EPB41: variants seen among roughly 807,000 people sequenced by gnomAD.
EPB41 encodes erythrocyte membrane protein band 4.1.
EPB41 carries 65 observed loss-of-function variants against 108.0 expected under a neutral mutation model. The observed-to-expected ratio is 0.60, with a 90% confidence interval of 0.49 to 0.74. The LOEUF is 0.74. Among genes scored for constraint, EPB41 ranks in the 30% least tolerant of loss-of-function variants. The pLI is 0.00. For synonymous variants in EPB41, 336 were observed against 358.9 expected (o/e 0.94, Z 0.72); for missense variants, 875 against 1,037.0 (o/e 0.84, Z 2.15).
chr1:28,946,563 A>G (rs1340317110), intron 1 of EPB41, among the ~76,000 whole-genome samples: 1 of 152,214 alleles, frequency 6.6e-6, no homozygotes, highest in Non-Finnish European at 1.5e-5. Flanking sequence ...ATTTTGGTCT[A>G]CTGATTTCCA....
At chr1:28,915,266 A>G (rs1317435029) in intron 1 of EPB41, among the ~76,000 whole-genome samples, 21 of 152,148 alleles carry the variant, frequency 1.4e-4, no homozygotes, top group Admixed American at 1.4e-3. Context: ...CCTTCCCGCC[A>G]CCGACGCCTG....
chr1:28,922,089 C>G (rs1570623035), intron 1 of EPB41, among the ~76,000 whole-genome samples: 2 of 150,430 alleles, frequency 1.3e-5, no homozygotes, highest in South Asian at 2.1e-4. Context: ...CCTGCCTCAG[C>G]CTCCCAAGTA....
At chr1:29,031,541 A>C (rs1227362093) in intron 8 of EPB41, among the ~76,000 whole-genome samples, 1 of 152,116 alleles carries the variant, frequency 6.6e-6, no homozygotes, top group Non-Finnish European at 1.5e-5. Flanking sequence ...TCACCTAGGA[A>C]CTTGTTAGAA....
At chr1:28,998,713 G>C (rs1364621652) in intron 4 of EPB41, among the ~76,000 whole-genome samples, 1 of 152,020 alleles carries the variant, frequency 6.6e-6, no homozygotes, top group African/African-American at 2.4e-5. Flanking sequence ...CCTTTACTTT[G>C]TCTCCCTTAG....
chr1:28,957,123 A>G (rs1557811114), intron 1 of EPB41, among the ~76,000 whole-genome samples: 1 of 152,264 alleles, frequency 6.6e-6, no homozygotes, highest in Non-Finnish European at 1.5e-5. Flanking sequence ...TTAAGTTGGC[A>G]TAGGCCATGT....
intron 16 of EPB41, among the ~76,000 whole-genome samples, chr1:29,066,726 T>A (rs1035648014): frequency 2.0e-5 from 3 of 152,098 alleles, no homozygotes; most frequent in Non-Finnish European, 4.4e-5. Context: ...AAGGCTGGAA[T>A]GCAATGGCAC....
intron 1 of EPB41, among the ~76,000 whole-genome samples, chr1:28,964,393 G>A (rs1042968873): frequency 4.6e-5 from 7 of 152,018 alleles, no homozygotes; most frequent in Admixed American, 2.6e-4. Context: ...AGTGAGCTGA[G>A]ATCATGCCAC....
rs1314324592 is a variant in EPB41, at chr1:28,902,222, G to C, written c.-8+15012G>C. On this transcript the variant is annotated intron_variant, in intron 1 of 16. Coordinates refer to the EPB41 transcript ENST00000347529. ...CATTTGTCAGATCATACTTTAGCTG[G>C]GTCAACCCTGAGGCTCTTTTGCTTC... 3 of 985,180 alleles carry C rather than the reference G, an allele frequency of 3.0e-6. No individual in the cohort carries two copies. The African/African-American group carries it at 5.2e-5, about 17-fold the overall frequency. 61.0% of individuals were successfully genotyped at this position (985,180 alleles called of 1,614,324 possible). A position where few individuals can be genotyped will look rare whatever the true frequency, so the allele number is the denominator to read the frequency against.
chr1:28,959,001 A>G (rs181927569), intron 1 of EPB41, among the ~76,000 whole-genome samples: 2 of 152,172 alleles, frequency 1.3e-5, no homozygotes, highest in East Asian at 3.9e-4. Flanking sequence ...AAGGAGGGTT[A>G]GAATTTCAGC....
chr1:28,887,358 G>A lies in EPB41; in HGVS notation c.-8+148G>A, dbSNP rs146479433. On this transcript the variant is annotated intron_variant, in intron 1 of 16. Transcript: ENST00000347529. This position sits in a 1 kb window ranked among gnomAD's most constrained non-coding sequence, Gnocchi z 4.9. ...CAGGGCTGAGGGGTCCAGCGGTCCC[G>A]AATTCCAGAATCCGAACTTGGGGTC... 222 of 1,147,624 alleles carry A rather than the reference G, an allele frequency of 1.9e-4. No homozygotes were observed. Among genetic ancestry groups the A allele is most frequent in the Non-Finnish European group, 2.3e-4 (209 of 921,010 alleles). The allele number at this position is 1,147,624 out of a possible 1,614,324, so 71.1% of individuals were successfully genotyped here. A position where few individuals can be genotyped will look rare whatever the true frequency, so the allele number is the denominator to read the frequency against.
At chr1:28,968,680 G>A (rs779453035) in intron 1 of EPB41, among the ~76,000 whole-genome samples, 4 of 151,868 alleles carry the variant, frequency 2.6e-5, no homozygotes, top group Admixed American at 6.6e-5. Context: ...AAAACTAAAT[G>A]AGGCCGGGCG....
chr1:29,034,717 A>G (rs1638717637), intron 9 of EPB41, among the ~76,000 whole-genome samples: 1 of 152,198 alleles, frequency 6.6e-6, no homozygotes, highest in Non-Finnish European at 1.5e-5. Flanking sequence ...ATCTAGATAA[A>G]TTAATGATCA....
chr1:28,897,088 G>T (rs2090748443), intron 1 of EPB41, among the ~76,000 whole-genome samples: 1 of 152,314 alleles, frequency 6.6e-6, no homozygotes, highest in East Asian at 1.9e-4. Flanking sequence ...GGCAAGGCCT[G>T]TGGCCACCAG....
At chr1:29,078,027 G>A (rs529991450) in intron 16 of EPB41, among the ~76,000 whole-genome samples, 1 of 152,178 alleles carries the variant, frequency 6.6e-6, no homozygotes, top group South Asian at 2.1e-4. Context: ...AGGAGTTTGA[G>A]ACCAGTTTAG....
rs765083013 is a variant in EPB41, at chr1:28,887,213, G to A, written c.-8+3G>A. ...GGTCCCCGCCGCACCCAGCCCAGGT[G>A]AGCCTGGACCACCTGGGGGGCGACC... On this transcript the variant is annotated splice_donor_region_variant and intron_variant, in intron 1 of 16. Coordinates refer to the EPB41 transcript ENST00000347529. This position sits in a 1 kb window ranked among gnomAD's most constrained non-coding sequence, Gnocchi z 4.9. The A allele has an allele frequency of 2.4e-5, 31 of 1,282,222 alleles. No individual in the cohort carries two copies. In the East Asian group the frequency reaches 1.2e-3, roughly 51 times the overall value. The allele number at this position is 1,282,222 out of a possible 1,614,324, so 79.4% of individuals were successfully genotyped here.
intron 1 of EPB41, among the ~76,000 whole-genome samples, chr1:28,971,489 T>C (rs2095496129): frequency 6.6e-6 from 1 of 152,112 alleles, no homozygotes; most frequent in African/African-American, 2.4e-5. Flanking sequence ...CCGGTTGCAT[T>C]TACTCTTTAA....
intron 4 of EPB41, among the ~76,000 whole-genome samples, chr1:29,006,994 A>C (rs2096415597): frequency 6.6e-6 from 1 of 151,894 alleles, no homozygotes; most frequent in Non-Finnish European, 1.5e-5. Context: ...AAAATCATAC[A>C]GTGTCTTCTC....
intron 16 of EPB41, among the ~76,000 whole-genome samples, chr1:29,066,428 G>GA (rs895196160): frequency 5.3e-5 from 8 of 150,914 alleles, no homozygotes; most frequent in Admixed American, 1.3e-4. Context: ...CAAAAAAAAA[G>GA]AAAAAAAAGA....
intron 5 of EPB41, among the ~76,000 whole-genome samples, chr1:29,013,381 AC>A (rs1253753526): frequency 3.3e-5 from 5 of 152,174 alleles, no homozygotes; most frequent in African/African-American, 1.2e-4. Context: ...GGGGAAAAAA[AC>A]AAAACAAAAC....
Sources: allele counts gnomAD v4.1 joint callset (sites outside exome capture counted in the v4.1 genomes callset), GRCh38; gene constraint gnomAD v4.1.1; non-coding constraint Gnocchi (gnomAD v3.1); transcripts MANE v1.5; gene names NCBI Gene and HGNC (gene_info 2026-07-23, HGNC 2026-07-21).